The following GABRB2 variants were observed in gnomAD, a reference collection of about 807,000 sequenced individuals.
GABRB2 encodes gamma-aminobutyric acid type A receptor subunit beta2, also known as gamma-aminobutyric acid receptor subunit beta-2.
GABRB2 carries 16 observed loss-of-function variants against 54.7 expected under a neutral mutation model. The ratio of observed to expected loss-of-function variants is 0.29; its 90% confidence interval spans 0.20 to 0.44. The LOEUF is 0.44. Among genes scored for constraint, GABRB2 ranks in the 20% least tolerant of loss-of-function variants. The probability of loss-of-function intolerance (pLI) is 1.00; values close to 1 mark genes in which losing one functional copy is unlikely to be tolerated. For synonymous variants in GABRB2, 244 were observed against 233.8 expected (o/e 1.04, Z -0.40); for missense variants, 355 against 644.0 (o/e 0.55, Z 4.86).
chr5:161,492,215 C>T (rs1759106662), intron 3 of GABRB2, among the ~76,000 whole-genome samples: 1 of 151,434 alleles, frequency 6.6e-6, no homozygotes, highest in Non-Finnish European at 1.5e-5. Flanking sequence ...GCCTATAATC[C>T]AAGCAGAGGG....
chr5:161,434,521 C>A (rs929732065), intron 4 of GABRB2, among the ~76,000 whole-genome samples: 8 of 152,030 alleles, frequency 5.3e-5, no homozygotes, highest in African/African-American at 1.2e-4. Flanking sequence ...TTCTCAAAAT[C>A]TTTTACTTAC....
chr5:161,336,789 C>T lies in GABRB2; in HGVS notation c.542-20G>A. The T allele has an allele frequency of 1.3e-6, 2 of 1,561,532 alleles. No homozygotes were observed. The highest frequency in any genetic ancestry group is 1.4e-5 in the African/African-American group (1 of 69,694). On this transcript the variant is annotated intron_variant, in intron 5 of 9. Coordinates refer to ENST00000393959, the MANE Select transcript of GABRB2 (RefSeq NM_001371727.1). Reference sequence around the variant, plus strand: ...ATCCATCTGTGAAAGGAAACATACACACACACACACACAAATACAGAAAAC... The same window carrying T: ...ATCCATCTGTGAAAGGAAACATACATACACACACACACAAATACAGAAAAC...
At chr5:161,456,521 C>T (rs1322733724) in intron 4 of GABRB2, among the ~76,000 whole-genome samples, 1 of 152,126 alleles carries the variant, frequency 6.6e-6, no homozygotes, top group East Asian at 1.9e-4. Context: ...TTCCATCTTG[C>T]CAGTACATAA....
At chr5:161,322,655 C>A (rs1758245893) in intron 9 of GABRB2, among the ~76,000 whole-genome samples, 1 of 151,950 alleles carries the variant, frequency 6.6e-6, no homozygotes, top group South Asian at 2.1e-4. Flanking sequence ...ATGGTTAATC[C>A]ACAGTACCTG....
chr5:161,515,236 T>A (rs1242964483), intron 3 of GABRB2, among the ~76,000 whole-genome samples: 2 of 152,116 alleles, frequency 1.3e-5, no homozygotes, highest in Non-Finnish European at 2.9e-5. Flanking sequence ...GAAGCTGTAT[T>A]TAACATTTTG....
At chr5:161,463,639 C>CAAT (rs5872715) in intron 3 of GABRB2, among the ~76,000 whole-genome samples, 71,755 of 119,052 alleles carry the variant, frequency 0.6, 22,417 homozygotes, top group South Asian at 0.75. Context: ...AGAGAAAAAA[C>CAAT]AATGCTGGAA....
chr5:161,361,996 C>T (rs749739459), intron 5 of GABRB2, among the ~76,000 whole-genome samples: 7 of 152,150 alleles, frequency 4.6e-5, no homozygotes, highest in Non-Finnish European at 1.0e-4. Context: ...CTGCATACGG[C>T]TAGCCAGTTT....
At chr5:161,525,915 C>T (rs1217074405) in intron 3 of GABRB2, among the ~76,000 whole-genome samples, 1 of 151,148 alleles carries the variant, frequency 6.6e-6, no homozygotes, top group Non-Finnish European at 1.5e-5. Context: ...GGTGAGTGTA[C>T]ACATGCACAT....
chr5:161,321,924 CGGTGCTAATA>C (rs1758222489), intron 9 of GABRB2, among the ~76,000 whole-genome samples: 1 of 151,956 alleles, frequency 6.6e-6, no homozygotes, highest in South Asian at 2.1e-4. Flanking sequence ...TAATTTCAAA[CGGTGCTAATA>C]GGTACAGCAA....
chr5:161,392,402 G>A (rs949051661), intron 5 of GABRB2, among the ~76,000 whole-genome samples: 1 of 152,120 alleles, frequency 6.6e-6, no homozygotes, highest in Non-Finnish European at 1.5e-5. Flanking sequence ...TTGGTATAAC[G>A]CCTCCATTCT....
intron 3 of GABRB2, among the ~76,000 whole-genome samples, chr5:161,513,294 A>G (rs1276601805): frequency 6.6e-6 from 1 of 152,084 alleles, no homozygotes; most frequent in Admixed American, 6.6e-5. Context: ...TATTCAATGG[A>G]AAATAAATCA....
At chr5:161,458,906 T>C (rs1381256343) in intron 4 of GABRB2, among the ~76,000 whole-genome samples, 2 of 152,228 alleles carry the variant, frequency 1.3e-5, no homozygotes, top group East Asian at 3.8e-4. Context: ...GAGTTTAGAA[T>C]TTCTTCCACT....
chr5:161,308,121 A>G (rs1021154322), intron 9 of GABRB2, among the ~76,000 whole-genome samples: 1 of 152,132 alleles, frequency 6.6e-6, no homozygotes, highest in Non-Finnish European at 1.5e-5. Context: ...TCGGCCTCAC[A>G]AAGTGCTGGG....
intron 7 of GABRB2, among the ~76,000 whole-genome samples, chr5:161,333,420 T>C (rs1168646644): frequency 6.6e-6 from 1 of 152,184 alleles, no homozygotes; most frequent in East Asian, 1.9e-4. Flanking sequence ...TGCAAGTGTA[T>C]ATATCACAGG....
chr5:161,512,824 T>C (rs1336009758), intron 3 of GABRB2, among the ~76,000 whole-genome samples: 1 of 151,474 alleles, frequency 6.6e-6, no homozygotes, highest in Non-Finnish European at 1.5e-5. Context: ...CCAACAAAGG[T>C]CTAGTACTCA....
At chr5:161,408,846 A>C (rs1756423764) in intron 5 of GABRB2, among the ~76,000 whole-genome samples, 3 of 152,000 alleles carry the variant, frequency 2.0e-5, no homozygotes, top group Admixed American at 1.3e-4. Flanking sequence ...ATGAATGCCT[A>C]GGGTATGATT....
chr5:161,433,317 T>C (rs1043767765), intron 4 of GABRB2, among the ~76,000 whole-genome samples: 1 of 151,886 alleles, frequency 6.6e-6, no homozygotes, highest in African/African-American at 2.4e-5. Flanking sequence ...AGGAGAATTA[T>C]GGCTAGGTGT....
intron 4 of GABRB2, among the ~76,000 whole-genome samples, chr5:161,450,650 A>G (rs755328647): frequency 2.6e-5 from 4 of 152,164 alleles, no homozygotes; most frequent in Non-Finnish European, 5.9e-5. Flanking sequence ...GTGGTTTGCC[A>G]TCGTCTCTAG....
At chr5:161,406,823 T>C (rs940657101) in intron 5 of GABRB2, among the ~76,000 whole-genome samples, 13 of 152,058 alleles carry the variant, frequency 8.5e-5, no homozygotes, top group African/African-American at 3.1e-4. Context: ...GATGCCTGAC[T>C]GTCTGTCTCA....
Sources: gnomAD v4.1 joint callset for allele counts (sites outside exome capture counted in the v4.1 genomes callset) on GRCh38, gnomAD v4.1.1 for gene constraint, MANE v1.5 for transcripts, NCBI Gene and HGNC (gene_info 2026-07-23, HGNC 2026-07-21) for gene names.